The following RIMBP2 variants were observed in gnomAD, a reference collection of about 807,000 sequenced individuals.
The protein encoded by RIMBP2 is RIMS-binding protein 2.
RIMBP2 carries 48 observed loss-of-function variants against 118.6 expected under a neutral mutation model. The ratio of observed to expected loss-of-function variants is 0.40; its 90% CI spans 0.32 to 0.51. The LOEUF (loss-of-function observed/expected upper bound fraction) is 0.51, where lower values mean the gene tolerates loss of function less well. Among genes scored for constraint, RIMBP2 ranks in the 20% least tolerant of loss-of-function variants. RIMBP2 has a pLI of 0.41. For synonymous variants in RIMBP2, 762 were observed against 742.9 expected (o/e 1.03, Z -0.42); for missense variants, 1,551 against 1,768.3 (o/e 0.88, Z 2.20).
rs140113816 is a variant in RIMBP2, at chr12:130,415,563, A to C, written c.3239-1257T>G. 4.8e-3 allele frequency among the ~76,000 whole-genome samples: 738 copies of C among 152,324 alleles called. 9 individuals carry two copies. The highest frequency in any genetic ancestry group is 0.017 in the African/African-American group (698 of 41,582). On this transcript the variant is annotated intron_variant, in intron 17 of 22. Coordinates refer to ENST00000690449, the MANE Select transcript of RIMBP2 (RefSeq NM_001393629.1). ...GCTATAGCCAGAGCAGTCAGGCAAG[A>C]GAAAGAAATAAAAGGCATCCATATA... is the stretch of plus-strand genomic sequence containing the variant.
chr12:130,514,011 C>T (rs111300855), intron 3 of RIMBP2, among the ~76,000 whole-genome samples: 98 of 152,216 alleles, frequency 6.4e-4, no homozygotes, highest in Non-Finnish European at 1.1e-3. Flanking sequence ...CACCCCCACA[C>T]CTTCAGCCTC....
intron 2 of RIMBP2, among the ~76,000 whole-genome samples, chr12:130,604,772 C>T (rs1352589678): frequency 4.9e-5 from 5 of 102,048 alleles, no homozygotes; most frequent in African/African-American, 1.7e-4. Flanking sequence ...TTAGTAGAGA[C>T]GGGGTTTCAC....
chr12:130,705,642 C>G (rs2066072630), intron 1 of RIMBP2, among the ~76,000 whole-genome samples: 1 of 152,262 alleles, frequency 6.6e-6, no homozygotes, highest in Non-Finnish European at 1.5e-5. Flanking sequence ...CTGCACACCG[C>G]TTTCCTGCTC....
chr12:130,474,568 G>A (rs942308542), intron 5 of RIMBP2, among the ~76,000 whole-genome samples: 1 of 152,218 alleles, frequency 6.6e-6, no homozygotes, highest in African/African-American at 2.4e-5. Context: ...AGTAAATGGG[G>A]CGACATGCCC....
At chr12:130,676,786 G>A (rs2064507684) in intron 1 of RIMBP2, among the ~76,000 whole-genome samples, 2 of 152,156 alleles carry the variant, frequency 1.3e-5, no homozygotes, top group African/African-American at 4.8e-5. Context: ...CAGGCTTCCT[G>A]CCGATCCCAC....
In RIMBP2 at chr12:130,622,211, G is replaced by A. The variant is rs938868093; in HGVS notation, c.-217+6111C>T. Among the ~76,000 whole-genome samples, 9 of 152,158 alleles carry A rather than the reference G, an allele frequency of 5.9e-5. No homozygotes were observed. The highest frequency in any genetic ancestry group is 1.2e-4 in the African/African-American group (5 of 41,420). ...CAGGTTGGATCCTGGGTAACAGGCA[G>A]GGCCTGTGGCTGACTGGAGCAGACG... On this transcript the variant is annotated intron_variant, in intron 2 of 22. Coordinates refer to ENST00000690449, the MANE Select transcript of RIMBP2 (RefSeq NM_001393629.1). This position sits in a 1 kb window ranked among gnomAD's most constrained non-coding sequence, Gnocchi z 8.5.
intron 3 of RIMBP2, among the ~76,000 whole-genome samples, chr12:130,517,466 A>G (rs778070938): frequency 1.3e-5 from 2 of 152,188 alleles, no homozygotes; most frequent in Non-Finnish European, 2.9e-5. Flanking sequence ...CGGATGAAGA[A>G]AGAGCAGCGC....
intron 1 of RIMBP2, among the ~76,000 whole-genome samples, chr12:130,642,294 G>GAT (rs2062659692): frequency 6.6e-6 from 1 of 151,812 alleles, no homozygotes; most frequent in African/African-American, 2.4e-5. Context: ...TTTGTTTTGT[G>GAT]TTTTTTTGAG....
chr12:130,439,447 GTGGGTGTGTGGGTGTGTA>G (rs1429621916), intron 11 of RIMBP2, among the ~76,000 whole-genome samples: 6 of 131,086 alleles, frequency 4.6e-5, no homozygotes, highest in African/African-American at 1.6e-4. Context: ...GTGTGTGGGT[GTGGGTGTGTGGGTGTGTA>G]TGTATTTGTG....
At chr12:130,535,694 C>CATATACATATATATACAT (rs2053945553) in intron 2 of RIMBP2, among the ~76,000 whole-genome samples, 1 of 139,752 alleles carries the variant, frequency 7.2e-6, no homozygotes, top group African/African-American at 2.7e-5. Context: ...TACACATATA[C>CATATACATATATATACAT]ATATATATAC....
intron 5 of RIMBP2, among the ~76,000 whole-genome samples, chr12:130,472,652 T>G (rs2081106510): frequency 6.6e-6 from 1 of 152,200 alleles, no homozygotes; most frequent in African/African-American, 2.4e-5. Flanking sequence ...CAAGTGAACA[T>G]TATCTTAACA....
Position 130,594,431 on chromosome 12 carries a change from G to A in RIMBP2, c.-217+33891C>T, listed in dbSNP as rs915382244. ...TAGATTGCATTGCACATAGAAGAGG[G>A]AGGTTTACTTGTATAATACTTATCT... On this transcript the variant is annotated intron_variant, in intron 2 of 22. Coordinates refer to ENST00000690449, the MANE Select transcript of RIMBP2 (RefSeq NM_001393629.1). 2.0e-5 allele frequency among the ~76,000 whole-genome samples: 3 copies of A among 152,224 alleles called. No homozygotes were observed. In the East Asian group the frequency reaches 5.8e-4, roughly 29 times the overall value.
intron 2 of RIMBP2, among the ~76,000 whole-genome samples, chr12:130,539,523 G>A (rs1048644913): frequency 6.9e-6 from 1 of 145,978 alleles, no homozygotes; most frequent in Admixed American, 7.0e-5. Flanking sequence ...GGGCATCATG[G>A]CAAATGCAGT....
intron 2 of RIMBP2, among the ~76,000 whole-genome samples, chr12:130,537,371 G>A (rs747671827): frequency 1.2e-4 from 19 of 152,222 alleles, no homozygotes; most frequent in Non-Finnish European, 1.5e-4. Context: ...CACTGGCAGC[G>A]TAAGACAGGG....
In RIMBP2 at chr12:130,462,151, T is replaced by G. The variant is rs2080050802; in HGVS notation, c.154-5451A>C. ...GGTCAGGTTGGATCAAATGCCCTCATGGCCCTGTAGATGCCCCCGGCTGTA... is the reference window on the plus strand; with the variant it reads ...GGTCAGGTTGGATCAAATGCCCTCAGGGCCCTGTAGATGCCCCCGGCTGTA... On this transcript the variant is annotated intron_variant, in intron 6 of 22. Transcript: ENST00000690449. Among the ~76,000 whole-genome samples, 3 of 152,302 alleles carry G rather than the reference T, an allele frequency of 2.0e-5. No homozygotes were observed. In the South Asian group the frequency reaches 6.2e-4, roughly 32 times the overall value.
At chr12:130,539,506 G>T (rs547834794) in intron 2 of RIMBP2, among the ~76,000 whole-genome samples, 19 of 152,370 alleles carry the variant, frequency 1.2e-4, no homozygotes, top group African/African-American at 3.8e-4. Flanking sequence ...GGAGCAAGCT[G>T]GGGAGAGGGC....
chr12:130,664,415 A>ACGCACGCACACACACACACACGCACG (rs1195044326), intron 1 of RIMBP2, among the ~76,000 whole-genome samples: 2 of 130,496 alleles, frequency 1.5e-5, no homozygotes, highest in East Asian at 4.6e-4. Flanking sequence ...ACGCACGCAC[A>ACGCACGCACACACACACACACGCACG]CACACGCACA....
chr12:130,529,823 G>T (rs780166805), intron 2 of RIMBP2, among the ~76,000 whole-genome samples: 2 of 152,030 alleles, frequency 1.3e-5, no homozygotes, highest in African/African-American at 2.4e-5. Flanking sequence ...TTCTCATAAG[G>T]AGTGTGCAAA....
At chr12:130,403,459 G>C (rs2074852015) in intron 21 of RIMBP2, among the ~76,000 whole-genome samples, 1 of 152,136 alleles carries the variant, frequency 6.6e-6, no homozygotes. Context: ...TAAATTCCAG[G>C]AAAGCCCATT....
Sources: allele counts gnomAD v4.1 joint callset (sites outside exome capture counted in the v4.1 genomes callset), GRCh38; gene constraint gnomAD v4.1.1; non-coding constraint Gnocchi (gnomAD v3.1); transcripts MANE v1.5; gene names NCBI Gene and HGNC (gene_info 2026-07-23, HGNC 2026-07-21).